Variants in PINX1 observed in about 807,000 individuals in gnomAD.
The protein encoded by PINX1 is PIN2/TERF1-interacting telomerase inhibitor 1.
In PINX1, 34 loss-of-function variants were observed where a neutral mutation model predicts 25.4. The observed-to-expected ratio is 1.34, with a 90% CI of 1.02 to 1.78. The LOEUF is 1.78. Ranked by LOEUF, PINX1 falls within the 40% of genes most tolerant of loss-of-function variation. PINX1 has a pLI of 0.00. For synonymous variants in PINX1, 197 were observed against 147.7 expected, an observed-to-expected ratio of 1.33 and a Z score of -2.42; for missense variants, 592 against 404.9, an observed-to-expected ratio of 1.46 and a Z score of -3.97.
chr8:10,832,840 A>T, intron 3 of PINX1, 52 bp downstream of exon 3: 1 of 1,052,262 alleles, frequency 9.5e-7, no homozygotes, highest in Non-Finnish European at 1.5e-6. Context: ...CAGATTTACA[A>T]GACTGAAGCC....
chr8:10,833,567 G>A (rs1201206117), intron 2 of PINX1: 1 of 143,648 alleles, frequency 7.0e-6, no homozygotes, highest in Non-Finnish European at 1.5e-5. Flanking sequence ...GGGTGCGGGA[G>A]GCTGGAGAAG....
intron 1 of PINX1, among the ~76,000 whole-genome samples, chr8:10,838,508 G>C (rs1798473312): frequency 6.6e-6 from 1 of 152,170 alleles, no homozygotes; most frequent in South Asian, 2.1e-4. Context: ...AAAATATTAA[G>C]AGAAGATTTT....
rs1301134022 is a variant in PINX1 at position 10,765,370 on chromosome 8, G to C, written c.*31C>G. ...CTGCCCCCGCAGTGCCCTGACAGCT[G>C]AGTGGTCGGAAGGCCCCGGCTGGGA... On this transcript the variant is annotated 3_prime_UTR_variant, in exon 7 of 7. Coordinates refer to ENST00000314787, the MANE Select transcript of PINX1 (RefSeq NM_017884.6). 2 of 1,549,104 alleles carry C rather than the reference G, an allele frequency of 1.3e-6. No homozygotes were observed. The highest frequency in any genetic ancestry group is 2.7e-5 in the African/African-American group (2 of 73,626).
chr8:10,819,857 C>G (rs571977170), intron 6 of PINX1, among the ~76,000 whole-genome samples: 2 of 152,240 alleles, frequency 1.3e-5, no homozygotes, highest in East Asian at 1.9e-4. Flanking sequence ...CAGACAAAAT[C>G]CCTCCCCTTC....
In PINX1 at chr8:10,817,603, A is replaced by G. The variant is rs532010236; in HGVS notation, c.471+2590T>C. ...CATTTAAATAGATTCTGTTTTCTGC[A>G]CACATGCAGGCATGTCAAAAGGAAA... On this transcript the variant is annotated intron_variant, in intron 6 of 6. Transcript: ENST00000314787. Among the ~76,000 whole-genome samples the G allele has an allele frequency of 2.6e-5, 4 of 152,372 alleles. No homozygotes were observed. In the South Asian group the frequency reaches 6.2e-4, roughly 24 times the overall value.
intron 6 of PINX1, among the ~76,000 whole-genome samples, chr8:10,779,218 C>G (rs1000987578): frequency 1.3e-5 from 2 of 152,142 alleles, no homozygotes; most frequent in African/African-American, 4.8e-5. Context: ...GTGAGATGAC[C>G]ACTGTGAAGA....
intron 6 of PINX1, among the ~76,000 whole-genome samples, chr8:10,818,391 G>T (rs1797764130): frequency 6.6e-6 from 1 of 152,124 alleles, no homozygotes; most frequent in African/African-American, 2.4e-5. Flanking sequence ...AAACCTCAAG[G>T]CACCCAACAC....
intron 6 of PINX1, among the ~76,000 whole-genome samples, chr8:10,790,799 C>T (rs1442144346): frequency 6.6e-6 from 1 of 152,038 alleles, no homozygotes; most frequent in Non-Finnish European, 1.5e-5. Flanking sequence ...CAAAAGCAAC[C>T]AGCCCCGTCC....
intron 6 of PINX1, among the ~76,000 whole-genome samples, chr8:10,817,472 C>G (rs1797732454): frequency 6.6e-6 from 1 of 152,126 alleles, no homozygotes; most frequent in Non-Finnish European, 1.5e-5. Context: ...CGGTATACCT[C>G]AATAAAAGCA....
intron 6 of PINX1, chr8:10,771,461 T>A (rs1286747332): frequency 6.6e-6 from 1 of 152,242 alleles, no homozygotes; most frequent in Admixed American, 6.5e-5. Context: ...AATAGCAACT[T>A]GTTGCTTCTA....
At chr8:10,782,597 G>A (rs902959696) in intron 6 of PINX1, among the ~76,000 whole-genome samples, 1 of 152,036 alleles carries the variant, frequency 6.6e-6, no homozygotes, top group East Asian at 1.9e-4. Flanking sequence ...TTAGCTGGGC[G>A]TGGTGGCTCA....
intron 6 of PINX1, among the ~76,000 whole-genome samples, chr8:10,805,504 A>T (rs113581295): frequency 7.1e-6 from 1 of 141,388 alleles, no homozygotes; most frequent in Non-Finnish European, 1.6e-5. Context: ...AGTGGGTGAC[A>T]GAGCACAGGA....
chr8:10,766,995 C>G (rs566531550), intron 6 of PINX1, among the ~76,000 whole-genome samples: 4 of 152,028 alleles, frequency 2.6e-5, no homozygotes, highest in East Asian at 3.9e-4. Flanking sequence ...AGCAACTCTG[C>G]CCACAGAGAC....
chr8:10,789,094 G>A (rs760687229), intron 6 of PINX1, among the ~76,000 whole-genome samples: 15 of 152,152 alleles, frequency 9.9e-5, no homozygotes, highest in Admixed American at 7.9e-4. Flanking sequence ...CTGCTGCAGC[G>A]CCTTCCCTCA....
At chr8:10,788,075 T>C (rs1801808425) in intron 6 of PINX1, among the ~76,000 whole-genome samples, 1 of 152,118 alleles carries the variant, frequency 6.6e-6, no homozygotes. Flanking sequence ...TTTAGATATA[T>C]AATACATACA....
At chr8:10,790,563 C>T (rs1032862443) in intron 6 of PINX1, among the ~76,000 whole-genome samples, 1 of 152,168 alleles carries the variant, frequency 6.6e-6, no homozygotes, top group Non-Finnish European at 1.5e-5. Context: ...CTGGTCCATA[C>T]TGTCAGCCCC....
chr8:10,828,590 T>G (rs749728198), intron 4 of PINX1, among the ~76,000 whole-genome samples: 2 of 152,098 alleles, frequency 1.3e-5, no homozygotes, highest in African/African-American at 4.8e-5. Context: ...CTCTCAGCCT[T>G]GAGAGGGCAG....
rs77078957 is a variant in PINX1, at chr8:10,782,068, G to A, written c.472-16152C>T. Among the ~76,000 whole-genome samples the A allele has an allele frequency of 2.7e-3, 405 of 152,258 alleles. 1 individual carries two copies. The highest frequency in any genetic ancestry group is 9.1e-3 in the African/African-American group (379 of 41,530). ...ATGGATGAACCTAGATGACACTATG[G>A]TAAGTGAAATAAACCAGACAGGAAA... On this transcript the variant is annotated intron_variant, in intron 6 of 6. Coordinates refer to ENST00000314787, the MANE Select transcript of PINX1 (RefSeq NM_017884.6).
rs1337031783 is a variant in PINX1, at chr8:10,784,956, C to CT, written c.472-19041dup. On this transcript the variant is annotated intron_variant, in intron 6 of 6. Transcript: ENST00000314787. ...GACATGCAAACTCTGAGTGAACTTC[C>CT]TAGAGGCTCAGGTGGCTTCAGAAAA... 5.1e-4 allele frequency among the ~76,000 whole-genome samples: 77 copies of CT among 152,252 alleles called. 1 individual carries two copies. The highest frequency in any genetic ancestry group is 1.7e-3 in the African/African-American group (71 of 41,546).
Sources: allele counts gnomAD v4.1 joint callset (sites outside exome capture counted in the v4.1 genomes callset), GRCh38; gene constraint gnomAD v4.1.1; transcripts MANE v1.5; gene names NCBI Gene and HGNC (gene_info 2026-07-23, HGNC 2026-07-21).